The following OXR1 variants were observed in gnomAD, a reference collection of about 807,000 sequenced individuals.
The protein encoded by OXR1 is oxidation resistance protein 1.
Under a neutral mutation model 104.6 loss-of-function variants are expected in OXR1, and 41 were observed. The ratio of observed to expected loss-of-function variants is 0.39; its 90% CI spans 0.31 to 0.51. The LOEUF (loss-of-function observed/expected upper bound fraction) is 0.51. Ranked by LOEUF, OXR1 falls within the 20% of genes least tolerant of loss-of-function variation. OXR1 has a pLI of 0.77. For synonymous variants in OXR1, 348 were observed against 348.4 expected (o/e 1.00, Z 0.01); for missense variants, 955 against 1,031.9 (o/e 0.93, Z 1.02).
At chr8:106,555,272 G>T (rs1240114443) in intron 3 of OXR1, among the ~76,000 whole-genome samples, 2 of 152,084 alleles carry the variant, frequency 1.3e-5, no homozygotes, top group Non-Finnish European at 2.9e-5. Context: ...GCAAGCTAAG[G>T]TTCCCAAATG....
At chr8:106,729,286 G>C (rs940144006) in intron 11 of OXR1, among the ~76,000 whole-genome samples, 4 of 152,070 alleles carry the variant, frequency 2.6e-5, no homozygotes, top group African/African-American at 9.7e-5. Flanking sequence ...TCTGGCTCTA[G>C]CTGATGCCCT....
intron 6 of OXR1, among the ~76,000 whole-genome samples, chr8:106,689,843 A>G (rs1039331771): frequency 1.3e-5 from 2 of 151,826 alleles, no homozygotes; most frequent in African/African-American, 4.8e-5. Flanking sequence ...ATAGACATTA[A>G]TTACAAGTAA....
chr8:106,724,497 G>A (rs1307228461), intron 11 of OXR1, among the ~76,000 whole-genome samples: 1 of 152,210 alleles, frequency 6.6e-6, no homozygotes, highest in Non-Finnish European at 1.5e-5. Flanking sequence ...ACTCAGAATA[G>A]CTTAAACCTG....
intron 2 of OXR1, among the ~76,000 whole-genome samples, chr8:106,375,097 C>G (rs1816855527): frequency 6.6e-6 from 1 of 152,106 alleles, no homozygotes; most frequent in Non-Finnish European, 1.5e-5. Flanking sequence ...AGATATTTTT[C>G]CCTGAGGTTT....
At chr8:106,608,109 C>G (rs1024655373) in intron 3 of OXR1, among the ~76,000 whole-genome samples, 5 of 152,102 alleles carry the variant, frequency 3.3e-5, no homozygotes, top group African/African-American at 1.2e-4. Context: ...CAGTGAGACC[C>G]TCATCTCTAA....
chr8:106,672,213 C>T (rs1161762532), intron 3 of OXR1, among the ~76,000 whole-genome samples: 2 of 151,624 alleles, frequency 1.3e-5, no homozygotes, highest in Non-Finnish European at 2.9e-5. Flanking sequence ...CACAGTGGCT[C>T]ATGCCTGTAA....
chr8:106,738,785 C>A (rs1218376744), intron 12 of OXR1, among the ~76,000 whole-genome samples: 1 of 151,282 alleles, frequency 6.6e-6, no homozygotes, highest in Admixed American at 6.6e-5. Context: ...CTTTGTAATG[C>A]AACACATTAA....
Position 106,643,434 on chromosome 8 carries a change from A to AT in OXR1, c.221-35762dup, listed in dbSNP as rs11291020. On this transcript the variant is annotated intron_variant, in intron 3 of 16. Transcript: ENST00000517566. ...TGAAATTCTGAAGGGAATCAATAGA[A>AT]TTTTTTTTTTTTTTAATTTACAGCC... 3.3e-4 allele frequency among the ~76,000 whole-genome samples: 49 copies of AT among 149,590 alleles called. No individual in the cohort carries two copies. In the Middle Eastern group the frequency reaches 0.014, roughly 43 times the overall value.
intron 3 of OXR1, among the ~76,000 whole-genome samples, chr8:106,559,683 A>G (rs1268314918): frequency 2.6e-5 from 4 of 152,214 alleles, no homozygotes; most frequent in Non-Finnish European, 5.9e-5. Context: ...GTTTTGACCC[A>G]TAGATGGTGT....
chr8:106,431,834 T>C lies in OXR1; in HGVS notation c.23+72198T>C, dbSNP rs74519182. 1.4e-4 allele frequency among the ~76,000 whole-genome samples: 22 copies of C among 152,310 alleles called. No homozygotes were observed. The East Asian group carries it at 4.2e-3, about 29-fold the overall frequency. ...TGGGAAAATGTGAAAACCAGAATAT[T>C]ACAAAGGTAATAAAGCAAACATTTG... On this transcript the variant is annotated intron_variant, in intron 2 of 16. Transcript: ENST00000517566.
At chr8:106,711,301 T>A (rs1452120476) in intron 10 of OXR1, among the ~76,000 whole-genome samples, 1 of 152,154 alleles carries the variant, frequency 6.6e-6, no homozygotes, top group African/African-American at 2.4e-5. Context: ...AATTTTTACA[T>A]TTTAAGTAAA....
intron 1 of OXR1, among the ~76,000 whole-genome samples, chr8:106,345,873 A>G (rs930541194): frequency 6.6e-6 from 1 of 152,200 alleles, no homozygotes; most frequent in Non-Finnish European, 1.5e-5. Context: ...TGGTGGGTAG[A>G]CAATCAGAAA....
intron 7 of OXR1, chr8:106,697,298 A>C: frequency 1.3e-6 from 1 of 765,186 alleles, no homozygotes; most frequent in Non-Finnish European, 2.1e-6. Flanking sequence ...GGACAGGCTG[A>C]ACCCCTCACC....
intron 3 of OXR1, among the ~76,000 whole-genome samples, chr8:106,590,432 C>G (rs1424165862): frequency 6.6e-6 from 1 of 152,180 alleles, no homozygotes; most frequent in Non-Finnish European, 1.5e-5. Flanking sequence ...GGACTACAGG[C>G]ATGCGCCACC....
At chr8:106,364,945 T>G (rs1158529173) in intron 2 of OXR1, among the ~76,000 whole-genome samples, 1 of 152,162 alleles carries the variant, frequency 6.6e-6, no homozygotes. Context: ...ACAATACTAA[T>G]GTACTTGTAT....
At chr8:106,420,838 A>C (rs1299228249) in intron 2 of OXR1, among the ~76,000 whole-genome samples, 1 of 151,952 alleles carries the variant, frequency 6.6e-6, no homozygotes, top group Non-Finnish European at 1.5e-5. Context: ...CAGACAATTC[A>C]GAATGTAAAA....
At chr8:106,328,471 C>T (rs1208208978) in intron 1 of OXR1, among the ~76,000 whole-genome samples, 3 of 152,148 alleles carry the variant, frequency 2.0e-5, no homozygotes, top group Non-Finnish European at 4.4e-5. Context: ...GTAAAATCCT[C>T]TTTTAGATTT....
chr8:106,369,931 G>T (rs2130371577), intron 2 of OXR1, among the ~76,000 whole-genome samples: 1 of 152,268 alleles, frequency 6.6e-6, no homozygotes, highest in South Asian at 2.1e-4. Context: ...CTAATTCTGT[G>T]AAGAATGTCA....
At chr8:106,694,026 T>A (rs747511525) in intron 7 of OXR1, among the ~76,000 whole-genome samples, 1 of 152,132 alleles carries the variant, frequency 6.6e-6, no homozygotes, top group Non-Finnish European at 1.5e-5. Flanking sequence ...ATATTTTCTC[T>A]TGATTTCTTC....
Sources: allele counts gnomAD v4.1 joint callset (sites outside exome capture counted in the v4.1 genomes callset), GRCh38; gene constraint gnomAD v4.1.1; transcripts MANE v1.5; gene names NCBI Gene and HGNC (gene_info 2026-07-23, HGNC 2026-07-21).